Variants in SAMD4A observed in about 807,000 individuals in gnomAD.
The protein encoded by SAMD4A is sterile alpha motif domain containing 4A.
In SAMD4A, 33 loss-of-function variants were observed where a neutral mutation model predicts 81.3. That is an observed-to-expected ratio of 0.41 (90% CI 0.31 to 0.54). The LOEUF is 0.54. SAMD4A is among the 20% of genes least tolerant of loss of function. The pLI is 0.37. For synonymous variants in SAMD4A, 389 were observed against 382.1 expected, an observed-to-expected ratio of 1.02 and a Z score of -0.21; for missense variants, 854 against 951.1, an observed-to-expected ratio of 0.90 and a Z score of 1.34.
intron 12 of SAMD4A, among the ~76,000 whole-genome samples, chr14:54,787,284 T>G (rs2039165082): frequency 6.6e-6 from 1 of 152,180 alleles, no homozygotes; most frequent in South Asian, 2.1e-4. Context: ...CCTAAAATCA[T>G]ACAGAACTTA....
intron 3 of SAMD4A, among the ~76,000 whole-genome samples, chr14:54,722,781 A>G (rs951943621): frequency 6.6e-6 from 1 of 152,180 alleles, no homozygotes; most frequent in Non-Finnish European, 1.5e-5. Context: ...CATGAGGGAG[A>G]CAAATTGCAG....
At chr14:54,724,003 T>TGGAAGGAAGGAA (rs1311416081) in intron 3 of SAMD4A, among the ~76,000 whole-genome samples, 3,196 of 55,952 alleles carry the variant, frequency 0.057, 45 homozygotes, top group Middle Eastern at 0.085. Context: ...GATGGATGGA[T>TGGAAGGAAGGAA]GGATGGAAGG....
Position 54,732,547 on chromosome 14 carries a change from A to G in SAMD4A, c.716-4477A>G. ...TTTAATTTATTATAAATTATTAAAA[A>G]TTATGCTTTAAATAATTTTTAAAGC... On this transcript the variant is annotated intron_variant, in intron 3 of 12. Coordinates refer to ENST00000554335, the MANE Select transcript of SAMD4A (RefSeq NM_015589.6). Among the ~76,000 whole-genome samples the G allele has an allele frequency of 2.0e-5, 3 of 152,274 alleles. No homozygotes were observed. The Middle Eastern group carries it at 0.01, about 518-fold the overall frequency.
chr14:54,635,927 C>T (rs902322552), intron 2 of SAMD4A, among the ~76,000 whole-genome samples: 1 of 152,184 alleles, frequency 6.6e-6, no homozygotes, highest in Non-Finnish European at 1.5e-5. Context: ...GGTCTAGACA[C>T]TTGGGATACG....
chr14:54,688,114 T>C, intron 2 of SAMD4A: 2 of 985,564 alleles, frequency 2.0e-6, no homozygotes, highest in Non-Finnish European at 2.4e-6. Flanking sequence ...CTGGTTCAAC[T>C]GTAATGTGCT....
Position 54,684,618 on chromosome 14 carries a change from C to G in SAMD4A, c.197-17444C>G, listed in dbSNP as rs995460864. 3.8e-4 allele frequency among the ~76,000 whole-genome samples: 10 copies of G among 26,042 alleles called. No individual in the cohort carries two copies. In the East Asian group the frequency reaches 6.2e-3, roughly 16 times the overall value. 17.1% of individuals were successfully genotyped at this position (26,042 alleles called of 152,430 possible). A position where few individuals can be genotyped will look rare whatever the true frequency, so the allele number is the denominator to read the frequency against. Reference sequence around the variant, plus strand: ...CCATTGGCCAGACACCCCCGCCCCCCCCCCCAACCAGAAACGGGAAACCTA... The same window carrying G: ...CCATTGGCCAGACACCCCCGCCCCCGCCCCCAACCAGAAACGGGAAACCTA... On this transcript the variant is annotated intron_variant, in intron 2 of 12. Coordinates refer to ENST00000554335, the MANE Select transcript of SAMD4A (RefSeq NM_015589.6).
chr14:54,668,564 T>G (rs535711923), intron 2 of SAMD4A, among the ~76,000 whole-genome samples: 1 of 152,374 alleles, frequency 6.6e-6, no homozygotes, highest in South Asian at 2.1e-4. Context: ...TTTCTATCTC[T>G]GTCCTTACTT....
chr14:54,636,256 A>C (rs1273835919), intron 2 of SAMD4A, among the ~76,000 whole-genome samples: 1 of 152,162 alleles, frequency 6.6e-6, no homozygotes, highest in Non-Finnish European at 1.5e-5. Flanking sequence ...CCATTACAAA[A>C]GCCCTTAGGT....
intron 4 of SAMD4A, among the ~76,000 whole-genome samples, chr14:54,742,181 G>A (rs1484163453): frequency 1.3e-5 from 2 of 152,034 alleles, no homozygotes; most frequent in Non-Finnish European, 2.9e-5. Context: ...AGGAGTATTC[G>A]GGGTTCTTCA....
intron 2 of SAMD4A, among the ~76,000 whole-genome samples, chr14:54,631,480 G>A (rs2140339782): frequency 6.6e-6 from 1 of 152,172 alleles, no homozygotes; most frequent in East Asian, 1.9e-4. Context: ...TAGGTTTTGT[G>A]GCTCAAGTCT....
At chr14:54,780,406 T>G (rs2038970347) in intron 11 of SAMD4A, among the ~76,000 whole-genome samples, 1 of 152,182 alleles carries the variant, frequency 6.6e-6, no homozygotes, top group Non-Finnish European at 1.5e-5. Flanking sequence ...AGGCTGTTAT[T>G]TTTCATTTCC....
At chr14:54,720,939 C>G (rs1459643857) in intron 3 of SAMD4A, among the ~76,000 whole-genome samples, 1 of 152,174 alleles carries the variant, frequency 6.6e-6, no homozygotes, top group African/African-American at 2.4e-5. Flanking sequence ...CCAGTTCCCT[C>G]ATGTCCTTCT....
chr14:54,784,625 G>T lies in SAMD4A; in HGVS notation c.2128+5G>T. ...TGACCGAACACGCCCTGGGAGGTGAGTGTGTTCTTCCTGCATGTCCCCATG... is the reference window on the plus strand; with the variant it reads ...TGACCGAACACGCCCTGGGAGGTGATTGTGTTCTTCCTGCATGTCCCCATG... On this transcript the variant is annotated splice_donor_5th_base_variant and intron_variant, in intron 12 of 12. Transcript: ENST00000554335. 1.2e-6 allele frequency: 2 copies of T among 1,612,602 alleles called. No homozygotes were observed. Among genetic ancestry groups the T allele is most frequent in the East Asian group, 2.2e-5 (1 of 44,880 alleles).
chr14:54,651,718 T>G (rs145502654), intron 2 of SAMD4A, among the ~76,000 whole-genome samples: 2 of 152,200 alleles, frequency 1.3e-5, no homozygotes, highest in Non-Finnish European at 2.9e-5. Flanking sequence ...TTTCCTTTAA[T>G]AAAGGAATGA....
intron 2 of SAMD4A, among the ~76,000 whole-genome samples, chr14:54,627,161 C>T (rs1188120323): frequency 6.6e-6 from 1 of 152,144 alleles, no homozygotes; most frequent in Non-Finnish European, 1.5e-5. Context: ...TTAAATTTTC[C>T]TTCAGTACTT....
rs190724730 is a variant in SAMD4A at position 54,671,159 on chromosome 14, T to G, written c.197-30903T>G. On this transcript the variant is annotated intron_variant, in intron 2 of 12. Coordinates refer to ENST00000554335, the MANE Select transcript of SAMD4A (RefSeq NM_015589.6). ...AAATGGTTAGATCGTAAGAGAAAGA[T>G]CACTGAAGGGCTCTGGAACTTGGAA... 1.2e-4 allele frequency among the ~76,000 whole-genome samples: 18 copies of G among 152,268 alleles called. 1 individual carries two copies. Among genetic ancestry groups the G allele is most frequent in the Admixed American group, 6.5e-4 (10 of 15,290 alleles).
At chr14:54,743,650 T>C (rs1345176585) in intron 4 of SAMD4A, among the ~76,000 whole-genome samples, 1 of 152,206 alleles carries the variant, frequency 6.6e-6, no homozygotes, top group East Asian at 1.9e-4. Context: ...TCTTTGTGTC[T>C]AACATGTCAA....
intron 2 of SAMD4A, among the ~76,000 whole-genome samples, chr14:54,618,660 T>C (rs1212934324): frequency 1.3e-5 from 2 of 152,220 alleles, no homozygotes; most frequent in African/African-American, 4.8e-5. Flanking sequence ...CAGGTCTTTC[T>C]AGAGTTTGGA....
rs776112630 is a variant in SAMD4A, at chr14:54,760,346, C to T, written c.1362C>T (p.Ala454=). The change falls in exon 7 of 13, where the codon GCC becomes GCT. Residue 454 remains alanine (A), a synonymous_variant. Transcript: ENST00000554335. ...ESQSPDCKDG[A]AATGATATPS... is the part of the protein sequence containing the mutation. ...AGAGCCCCGACTGCAAAGATGGGGC[C>T]GCAGCCACTGGCGCCACGGCCACCC... is the stretch of plus-strand genomic sequence containing the variant. The T allele has an allele frequency of 1.1e-5, 18 of 1,591,536 alleles. No individual in the cohort carries two copies. Among genetic ancestry groups the T allele is most frequent in the East Asian group, 4.6e-5 (2 of 43,586 alleles).
Sources: gnomAD v4.1 joint callset for allele counts (sites outside exome capture counted in the v4.1 genomes callset) on GRCh38, gnomAD v4.1.1 for gene constraint, MANE v1.5 for transcripts, NCBI Gene and HGNC (gene_info 2026-07-23, HGNC 2026-07-21) for gene names.